CTNNA3: variants seen among roughly 807,000 people sequenced by gnomAD.
CTNNA3 encodes catenin alpha 3, also known as catenin alpha-3.
CTNNA3 carries 76 observed loss-of-function variants against 95.7 expected under a neutral mutation model. The ratio of observed to expected loss-of-function variants is 0.79; its 90% CI spans 0.66 to 0.96. The LOEUF is 0.96. Ranked by LOEUF, CTNNA3 falls within the 40% of genes least tolerant of loss-of-function variation. CTNNA3 has a pLI of 0.00. For missense variants in CTNNA3, 1,191 were observed against 1,089.8 expected (o/e 1.09, Z -1.31); for synonymous variants, 431 against 374.4 (o/e 1.15, Z -1.74).
At chr10:67,309,285 T>C (rs1389954447) in intron 5 of CTNNA3, among the ~76,000 whole-genome samples, 1 of 152,200 alleles carries the variant, frequency 6.6e-6, no homozygotes, top group Admixed American at 6.5e-5. Context: ...AAAAAAATTA[T>C]ACTACTCACT....
At chr10:67,243,000 C>A (rs190791209) in intron 5 of CTNNA3, among the ~76,000 whole-genome samples, 173 of 152,314 alleles carry the variant, frequency 1.1e-3, no homozygotes, top group South Asian at 1.2e-3. Context: ...TCTCTCCATG[C>A]AACAAACTAT....
intron 14 of CTNNA3, among the ~76,000 whole-genome samples, chr10:66,080,708 C>G (rs918216062): frequency 6.6e-6 from 1 of 152,096 alleles, no homozygotes; most frequent in Admixed American, 6.6e-5. Flanking sequence ...TGGAACTCAA[C>G]TCTGCTGAAG....
intron 11 of CTNNA3, among the ~76,000 whole-genome samples, chr10:66,430,472 T>C (rs1564955460): frequency 1.3e-5 from 2 of 152,170 alleles, no homozygotes; most frequent in Non-Finnish European, 2.9e-5. Context: ...AGAACAAAGC[T>C]GGAGGCATCT....
At chr10:67,682,380 T>C (rs1224965590) in intron 1 of CTNNA3, among the ~76,000 whole-genome samples, 1 of 150,790 alleles carries the variant, frequency 6.6e-6, no homozygotes, top group Non-Finnish European at 1.5e-5. Context: ...GTAAAGGCAA[T>C]TTATGTAAAA....
chr10:67,454,759 A>G (rs1216790493), intron 5 of CTNNA3, among the ~76,000 whole-genome samples: 4 of 152,202 alleles, frequency 2.6e-5, no homozygotes, highest in Non-Finnish European at 5.9e-5. Flanking sequence ...AAAAGAAAAT[A>G]AAAGGTATTA....
At chr10:67,087,530 A>G (rs1017494397) in intron 7 of CTNNA3, among the ~76,000 whole-genome samples, 10 of 151,858 alleles carry the variant, frequency 6.6e-5, no homozygotes, top group African/African-American at 2.4e-4. Context: ...ATATATTAAA[A>G]TAAGTTTAAA....
chr10:66,766,221 C>T, intron 9 of CTNNA3, 43 bp downstream of exon 9: 2 of 1,590,422 alleles, frequency 1.3e-6, no homozygotes, highest in Non-Finnish European at 1.7e-6. Context: ...ATGGGAGCCT[C>T]ATTCTCCTGG....
chr10:66,662,341 A>T (rs1846292056), intron 9 of CTNNA3, among the ~76,000 whole-genome samples: 1 of 152,192 alleles, frequency 6.6e-6, no homozygotes, highest in Admixed American at 6.5e-5. Context: ...CATAATCACT[A>T]ACTTTAAGAG....
At chr10:67,569,672 G>T (rs921677049) in intron 3 of CTNNA3, among the ~76,000 whole-genome samples, 1 of 152,112 alleles carries the variant, frequency 6.6e-6, no homozygotes, top group Non-Finnish European at 1.5e-5. Flanking sequence ...CACAGAAGAT[G>T]GGTCTGAAAA....
intron 13 of CTNNA3, among the ~76,000 whole-genome samples, chr10:66,104,779 G>A (rs1188252804): frequency 6.6e-6 from 1 of 152,156 alleles, no homozygotes; most frequent in African/African-American, 2.4e-5. Context: ...CTGAAGACTG[G>A]AAATGGGCAG....
At chr10:67,721,269 T>C (rs915750526) in intron 1 of CTNNA3, among the ~76,000 whole-genome samples, 3 of 152,186 alleles carry the variant, frequency 2.0e-5, no homozygotes, top group African/African-American at 7.2e-5. Context: ...CTTGGTTCCA[T>C]TCTCTCCATC....
intron 15 of CTNNA3, among the ~76,000 whole-genome samples, chr10:65,997,638 T>A (rs1021960191): frequency 2.0e-5 from 3 of 152,182 alleles, no homozygotes; most frequent in African/African-American, 7.2e-5. Flanking sequence ...ATGAGGCCTA[T>A]AAGAACACCA....
At chr10:67,567,521 G>A (rs1302442539) in intron 3 of CTNNA3, among the ~76,000 whole-genome samples, 1 of 152,116 alleles carries the variant, frequency 6.6e-6, no homozygotes, top group Non-Finnish European at 1.5e-5. Context: ...TACCTTGAAA[G>A]CCCTGACTTA....
chr10:67,695,474 T>C (rs984243878), intron 1 of CTNNA3, among the ~76,000 whole-genome samples: 1 of 152,212 alleles, frequency 6.6e-6, no homozygotes, highest in Non-Finnish European at 1.5e-5. Flanking sequence ...CAAACAGTTC[T>C]GAGAGCATTC....
intron 7 of CTNNA3, among the ~76,000 whole-genome samples, chr10:67,087,264 A>C (rs4745927): frequency 0.55 from 83,489 of 151,780 alleles, 24,167 homozygotes; most frequent in African/African-American, 0.74. Context: ...GGGTCCAGGG[A>C]AGAGTCCATT....
At chr10:66,189,292 T>A (rs2086523761) in intron 13 of CTNNA3, among the ~76,000 whole-genome samples, 1 of 150,564 alleles carries the variant, frequency 6.6e-6, no homozygotes, top group Admixed American at 6.7e-5. Context: ...AAAAAAAACA[T>A]TGTTAAGACC....
intron 7 of CTNNA3, among the ~76,000 whole-genome samples, chr10:66,888,708 C>T (rs935162496): frequency 1.3e-5 from 2 of 152,100 alleles, no homozygotes; most frequent in African/African-American, 4.8e-5. Context: ...AAATCCAAAA[C>T]ACTATAACAC....
chr10:67,706,414 AT>A (rs1841079017), intron 1 of CTNNA3, among the ~76,000 whole-genome samples: 1 of 152,064 alleles, frequency 6.6e-6, no homozygotes, highest in Non-Finnish European at 1.5e-5. Flanking sequence ...AGAAAAAAAA[AT>A]CTCTTAGAAA....
intron 9 of CTNNA3, among the ~76,000 whole-genome samples, chr10:66,742,497 T>C (rs1342281703): frequency 1.3e-5 from 2 of 152,146 alleles, no homozygotes; most frequent in Non-Finnish European, 2.9e-5. Context: ...GTGATCTCTG[T>C]GACCCATACC....
Sources: allele counts gnomAD v4.1 joint callset (sites outside exome capture counted in the v4.1 genomes callset), GRCh38; gene constraint gnomAD v4.1.1; transcripts MANE v1.5; gene names NCBI Gene and HGNC (gene_info 2026-07-23, HGNC 2026-07-21).